Variants in STIM1 observed in about 807,000 individuals in gnomAD.
STIM1 encodes the protein stromal interaction molecule 1.
STIM1 carries 25 observed loss-of-function variants against 74.7 expected under a neutral mutation model. The observed-to-expected ratio is 0.33, with a 90% CI of 0.24 to 0.47. The LOEUF (loss-of-function observed/expected upper bound fraction) is 0.47. STIM1 is among the 20% of genes least tolerant of loss of function. The probability of loss-of-function intolerance (pLI) is 1.00; values close to 1 mark genes in which losing one functional copy is unlikely to be tolerated. For missense variants in STIM1, 728 were observed against 920.8 expected (o/e 0.79, Z 2.71); for synonymous variants, 328 against 348.8 (o/e 0.94, Z 0.66).
At chr11:3,953,708 A>G (rs2093176736) in intron 1 of STIM1, among the ~76,000 whole-genome samples, 1 of 151,778 alleles carries the variant, frequency 6.6e-6, no homozygotes, top group Non-Finnish European at 1.5e-5. Flanking sequence ...ATAATATGTG[A>G]TCTCAACATC....
In STIM1 at chr11:4,068,771, C is replaced by T. The variant is rs117782349; in HGVS notation, c.614-1255C>T. Among the ~76,000 whole-genome samples the T allele has an allele frequency of 5.4e-3, 821 of 152,308 alleles. 2 individuals carry two copies. Among genetic ancestry groups the T allele is most frequent in the Middle Eastern group, 0.014 (4 of 294 alleles). On this transcript the variant is annotated intron_variant, in intron 5 of 12. Coordinates refer to ENST00000526596, the MANE Select transcript of STIM1 (RefSeq NM_001382567.1). ...GATCCCATCTCATCCCCATGTTCTGCTGCTCAGCCTTTCTGTGAGGAGCTA... is the reference window on the plus strand; with the variant it reads ...GATCCCATCTCATCCCCATGTTCTGTTGCTCAGCCTTTCTGTGAGGAGCTA...
intron 1 of STIM1, chr11:3,892,733 C>T: frequency 6.2e-7 from 1 of 1,613,192 alleles, no homozygotes; most frequent in Non-Finnish European, 8.5e-7. Flanking sequence ...TCTGTGAAAG[C>T]AGGAACCCTT....
intron 7 of STIM1, among the ~76,000 whole-genome samples, chr11:4,080,834 C>T (rs764711705): frequency 6.6e-5 from 10 of 152,174 alleles, no homozygotes; most frequent in Non-Finnish European, 1.5e-4. Context: ...CTTCTATTTG[C>T]TCTCTTTTTT....
chr11:4,049,518 G>C (rs2094221460), intron 3 of STIM1: 1 of 151,078 alleles, frequency 6.6e-6, no homozygotes, highest in African/African-American at 2.4e-5. Flanking sequence ...TTGTAGATAT[G>C]TGGTCTCCCT....
At chr11:4,063,219 T>C (rs1174274048) in intron 5 of STIM1, among the ~76,000 whole-genome samples, 2 of 152,218 alleles carry the variant, frequency 1.3e-5, no homozygotes, top group Non-Finnish European at 2.9e-5. Flanking sequence ...ACCTTGTGAA[T>C]ATAGTACAAT....
At chr11:3,868,819 T>C (rs1428700843) in intron 1 of STIM1, among the ~76,000 whole-genome samples, 2 of 152,204 alleles carry the variant, frequency 1.3e-5, no homozygotes, top group Admixed American at 6.5e-5. Flanking sequence ...GTTAGTGTTC[T>C]TTATCTCTTC....
intron 1 of STIM1, among the ~76,000 whole-genome samples, chr11:3,955,246 C>T (rs963029528): frequency 3.3e-5 from 5 of 152,010 alleles, no homozygotes; most frequent in African/African-American, 1.2e-4. Flanking sequence ...AGTGAAGGAC[C>T]AAGTAGGAAT....
chr11:3,864,272 A>T (rs2090757344), intron 1 of STIM1, among the ~76,000 whole-genome samples: 1 of 152,218 alleles, frequency 6.6e-6, no homozygotes, highest in Non-Finnish European at 1.5e-5. Flanking sequence ...ATTGGTGTAT[A>T]ACAAATTATG....
At chr11:3,991,409 T>C (rs2093610237) in intron 2 of STIM1, among the ~76,000 whole-genome samples, 1 of 151,470 alleles carries the variant, frequency 6.6e-6, no homozygotes, top group South Asian at 2.1e-4. Context: ...GGGCTCAAGC[T>C]CTCCTCCCGC....
At chr11:3,926,876 G>T (rs564249705) in intron 1 of STIM1, among the ~76,000 whole-genome samples, 1 of 152,302 alleles carries the variant, frequency 6.6e-6, no homozygotes, top group South Asian at 2.1e-4. Context: ...TTACTTTAGG[G>T]AGTTGACAGA....
intron 1 of STIM1, among the ~76,000 whole-genome samples, chr11:3,859,077 C>T (rs527456235): frequency 6.6e-6 from 1 of 152,136 alleles, no homozygotes; most frequent in Non-Finnish European, 1.5e-5. Context: ...TTTTTTTCTG[C>T]TCTGGAGAGT....
At position 3,917,261 on chromosome 11, in the gene STIM1, C is replaced by A. The variant is rs115876284; in HGVS notation, c.140-50291C>A. The stretch of plus-strand genomic sequence containing the variant: ...AGTCTGTACTGAGCCCAGGCAGGTT[C>A]CCAGCCCTGGGTATGGCTTCCTGAG... On this transcript the variant is annotated intron_variant, in intron 1 of 12. Coordinates refer to ENST00000526596, the MANE Select transcript of STIM1 (RefSeq NM_001382567.1). Among the ~76,000 whole-genome samples, 1,049 of 152,200 alleles carry A rather than the reference C, an allele frequency of 6.9e-3. 7 individuals carry two copies. Among genetic ancestry groups the A allele is most frequent in the African/African-American group, 0.024 (991 of 41,526 alleles).
chr11:3,856,263 C>G lies in STIM1; in HGVS notation c.-8C>G. The stretch of plus-strand genomic sequence containing the variant: ...ACATCAGACGCATGTTGACTGAGAC[C>G]TAGAGTCATGGATGTATGCGTCCGT... On this transcript the variant is annotated 5_prime_UTR_variant, in exon 1 of 13. Coordinates refer to ENST00000526596, the MANE Select transcript of STIM1 (RefSeq NM_001382567.1). 1 of 1,614,064 alleles carries G rather than the reference C, an allele frequency of 6.2e-7. No homozygotes were observed. Among genetic ancestry groups the G allele is most frequent in the East Asian group, 2.2e-5 (1 of 44,880 alleles).
At chr11:3,987,423 T>C (rs1301554291) in intron 2 of STIM1, among the ~76,000 whole-genome samples, 4 of 152,198 alleles carry the variant, frequency 2.6e-5, no homozygotes, top group African/African-American at 9.7e-5. Flanking sequence ...CCAAGCTGCG[T>C]GATCAGTTAA....
chr11:3,969,766 A>G (rs1318925278), intron 2 of STIM1, among the ~76,000 whole-genome samples: 1 of 152,214 alleles, frequency 6.6e-6, no homozygotes, highest in Non-Finnish European at 1.5e-5. Context: ...GTTGGAAAGG[A>G]AAGTGGGGCC....
chr11:3,882,092 C>CTTTT (rs946580998), intron 1 of STIM1, among the ~76,000 whole-genome samples: 43 of 92,324 alleles, frequency 4.7e-4, no homozygotes, highest in Non-Finnish European at 5.6e-4. Context: ...CACTTCATTC[C>CTTTT]TTTTTTTTTT....
chr11:4,004,268 A>G (rs905780155), intron 2 of STIM1, among the ~76,000 whole-genome samples: 8 of 152,268 alleles, frequency 5.3e-5, no homozygotes, highest in African/African-American at 9.6e-5. Context: ...AAAAGAGCCC[A>G]CATCGCCAAG....
chr11:4,070,527 C>T (rs542901100), intron 6 of STIM1, among the ~76,000 whole-genome samples: 3 of 152,294 alleles, frequency 2.0e-5, no homozygotes, highest in Admixed American at 2.0e-4. Flanking sequence ...GACTGCTTCT[C>T]CTAGCATATA....
At chr11:3,900,393 A>T (rs940855915) in intron 1 of STIM1, among the ~76,000 whole-genome samples, 1 of 152,150 alleles carries the variant, frequency 6.6e-6, no homozygotes, top group African/African-American at 2.4e-5. Context: ...TTCCCGAGTG[A>T]GGCAATGCCT....
Sources: allele counts gnomAD v4.1 joint callset (sites outside exome capture counted in the v4.1 genomes callset), GRCh38; gene constraint gnomAD v4.1.1; transcripts MANE v1.5; gene names NCBI Gene and HGNC (gene_info 2026-07-23, HGNC 2026-07-21).